FAM178B: variants seen among roughly 807,000 people sequenced by gnomAD.
FAM178B encodes family with sequence similarity 178 member B.
Under a neutral mutation model 91.7 loss-of-function variants are expected in FAM178B, and 82 were observed. The observed-to-expected ratio is 0.89, with a 90% confidence interval of 0.75 to 1.07. FAM178B has a LOEUF of 1.07. FAM178B is among the 50% of genes least tolerant of loss of function. The pLI is 0.00. For missense variants in FAM178B, 769 were observed against 846.7 expected (o/e 0.91, Z 1.14); for synonymous variants, 368 against 359.4 (o/e 1.02, Z -0.27).
chr2:96,919,501 C>A (rs751463576), intron 12 of FAM178B, among the ~76,000 whole-genome samples: 4 of 152,204 alleles, frequency 2.6e-5, no homozygotes, highest in Non-Finnish European at 5.9e-5. Flanking sequence ...ATGGTCCTGG[C>A]TGTCACGGAG....
chr2:96,954,327 C>T (rs1308228284), intron 6 of FAM178B, among the ~76,000 whole-genome samples: 3 of 152,234 alleles, frequency 2.0e-5, no homozygotes, highest in Non-Finnish European at 2.9e-5. Flanking sequence ...AGGTGTCTGC[C>T]TCCACCCTCG....
intron 13 of FAM178B, among the ~76,000 whole-genome samples, chr2:96,898,290 G>T (rs150865127): frequency 6.6e-6 from 1 of 152,190 alleles, no homozygotes; most frequent in Non-Finnish European, 1.5e-5. Flanking sequence ...TGTGGTCCAG[G>T]ATGTCCAGAG....
At chr2:96,977,718 A>AT in intron 1 of FAM178B, 1 of 414,476 alleles carries the variant, frequency 2.4e-6, no homozygotes, top group South Asian at 1.8e-5. Flanking sequence ...GGAGGGAAGG[A>AT]TATTTCCTCC....
intron 12 of FAM178B, among the ~76,000 whole-genome samples, chr2:96,909,677 C>T (rs768877439): frequency 6.6e-6 from 1 of 152,064 alleles, no homozygotes. Flanking sequence ...TTTTTTCACA[C>T]GTCTTGCTGT....
Position 96,971,935 on chromosome 2 carries a change from G to A in FAM178B, c.530C>T (p.Thr177Met), listed in dbSNP as rs540608030. Reference sequence around the variant, plus strand: ...CGCAGCCTGCTGGCTCAGGCCTGACGTGTTCCAGAACAGCTTCTCTGGCAA... The same window carrying A: ...CGCAGCCTGCTGGCTCAGGCCTGACATGTTCCAGAACAGCTTCTCTGGCAA... ...LALPEKLFWN[T>M]SGLSQQAAAP... The change falls in exon 3 of 17, where the codon ACG becomes ATG. Residue 177 changes from threonine (T) to methionine (M), a missense_variant. Thr to Met is a moderately conservative substitution (Grantham distance 81). Coordinates refer to ENST00000490605, the MANE Select transcript of FAM178B (RefSeq NM_001122646.3). 7 of 1,533,474 alleles carry A rather than the reference G, an allele frequency of 4.6e-6. No homozygotes were observed. Among genetic ancestry groups the A allele is most frequent in the East Asian group, 2.4e-5 (1 of 41,314 alleles). 95.0% of individuals were successfully genotyped at this position (1,533,474 alleles called of 1,614,324 possible). A position where few individuals can be genotyped will look rare whatever the true frequency, so the allele number is the denominator to read the frequency against.
intron 8 of FAM178B, among the ~76,000 whole-genome samples, chr2:96,933,320 T>A (rs1281649279): frequency 2.6e-5 from 4 of 152,144 alleles, no homozygotes; most frequent in Non-Finnish European, 1.5e-5. Flanking sequence ...TGTAAGAGGC[T>A]GTGAGTCTGC....
chr2:96,934,711 T>C (rs942506274), intron 8 of FAM178B, among the ~76,000 whole-genome samples: 5 of 152,272 alleles, frequency 3.3e-5, no homozygotes, highest in East Asian at 1.9e-4. Flanking sequence ...CCGCTTGCTG[T>C]TCCTGGTCTC....
At chr2:96,877,736 A>G in intron 16 of FAM178B, 154 bp downstream of exon 16, 3 of 711,030 alleles carry the variant, frequency 4.2e-6, no homozygotes, top group South Asian at 1.9e-5. Flanking sequence ...AGGCCCCTCA[A>G]GGCGTCCCCA....
At chr2:96,982,325 T>C (rs943641309) in intron 1 of FAM178B, among the ~76,000 whole-genome samples, 4 of 151,986 alleles carry the variant, frequency 2.6e-5, no homozygotes, top group African/African-American at 7.2e-5. Context: ...AGTATAACGG[T>C]GCAATCTTGG....
chr2:96,977,556 C>G (rs2082307670), intron 1 of FAM178B, among the ~76,000 whole-genome samples: 1 of 147,430 alleles, frequency 6.8e-6, no homozygotes, highest in Non-Finnish European at 1.5e-5. Flanking sequence ...TTGCCAAAGA[C>G]AAGAAAACTC....
intron 1 of FAM178B, among the ~76,000 whole-genome samples, chr2:96,983,689 G>A (rs940087372): frequency 1.3e-5 from 2 of 152,040 alleles, no homozygotes; most frequent in Non-Finnish European, 2.9e-5. Flanking sequence ...CTAACAAAGC[G>A]CTGGGATTAC....
intron 8 of FAM178B, among the ~76,000 whole-genome samples, chr2:96,938,764 A>G (rs1486681129): frequency 6.6e-6 from 1 of 152,292 alleles, no homozygotes; most frequent in Non-Finnish European, 1.5e-5. Context: ...TATTAATCAA[A>G]GAACCCACCA....
intron 7 of FAM178B, chr2:96,950,010 C>T (rs530539103): frequency 3.0e-6 from 3 of 985,888 alleles, no homozygotes; most frequent in South Asian, 4.7e-5. Context: ...CTGCACTCCT[C>T]TCCCCTCCAG....
intron 8 of FAM178B, among the ~76,000 whole-genome samples, 168 bp downstream of exon 8, chr2:96,947,650 T>C (rs1574288184): frequency 6.6e-6 from 1 of 152,178 alleles, no homozygotes; most frequent in African/African-American, 2.4e-5. Flanking sequence ...TTGGTTCAGC[T>C]TTTTACTAAT....
At chr2:96,951,906 A>T (rs1296145606) in intron 6 of FAM178B, 1 of 164,848 alleles carries the variant, frequency 6.1e-6, no homozygotes, top group Non-Finnish European at 1.3e-5. Context: ...CTGTAATCCC[A>T]GCTACTCGGG....
intron 9 of FAM178B, among the ~76,000 whole-genome samples, chr2:96,926,168 T>G (rs1044401790): frequency 6.6e-6 from 1 of 151,996 alleles, no homozygotes; most frequent in Non-Finnish European, 1.5e-5. Flanking sequence ...GCAAGCATTG[T>G]AGTACGCACC....
At chr2:96,909,247 A>G (rs76109429) in intron 12 of FAM178B, among the ~76,000 whole-genome samples, 4,548 of 152,294 alleles carry the variant, frequency 0.03, 83 homozygotes, top group Middle Eastern at 0.1. Flanking sequence ...CACACCCCCA[A>G]TAAGTGTTCA....
At chr2:96,908,308 T>C (rs1227680828) in intron 12 of FAM178B, among the ~76,000 whole-genome samples, 1 of 152,164 alleles carries the variant, frequency 6.6e-6, no homozygotes, top group Non-Finnish European at 1.5e-5. Flanking sequence ...ACCACGCACA[T>C]TGACGTGGAG....
At chr2:96,964,677 C>T (rs2082122514) in intron 5 of FAM178B, among the ~76,000 whole-genome samples, 1 of 152,216 alleles carries the variant, frequency 6.6e-6, no homozygotes, top group Admixed American at 6.5e-5. Context: ...AAGAAACCAC[C>T]CCACTGATCT....
Sources: allele counts gnomAD v4.1 joint callset (sites outside exome capture counted in the v4.1 genomes callset), GRCh38; gene constraint gnomAD v4.1.1; transcripts MANE v1.5; gene names NCBI Gene and HGNC (gene_info 2026-07-23, HGNC 2026-07-21).